Variants in DPY19L2 observed in about 807,000 individuals in gnomAD.
DPY19L2 encodes probable C-mannosyltransferase DPY19L2.
A neutral mutation model predicts 97.9 loss-of-function variants in DPY19L2; 34 were observed. That is an observed-to-expected ratio of 0.35 (90% CI 0.26 to 0.46). The LOEUF (loss-of-function observed/expected upper bound fraction) is 0.46. Ranked by LOEUF, DPY19L2 falls within the 20% of genes least tolerant of loss-of-function variation. The pLI, the probability that DPY19L2 is intolerant of heterozygous loss-of-function variation, is 1.00. For synonymous variants in DPY19L2, 230 were observed against 307.9 expected (o/e 0.75, Z 2.65); for missense variants, 623 against 911.4 (o/e 0.68, Z 4.07).
chr12:63,583,752 A>G (rs1275383662), intron 17 of DPY19L2, 60 bp downstream of exon 17: 2 of 1,570,472 alleles, frequency 1.3e-6, no homozygotes, highest in South Asian at 1.1e-5. Flanking sequence ...ACCTTTGTCA[A>G]TTATCCTCAA....
intron 4 of DPY19L2, among the ~76,000 whole-genome samples, chr12:63,657,493 A>G (rs1184668164): frequency 2.0e-5 from 3 of 152,006 alleles, no homozygotes; most frequent in Non-Finnish European, 2.9e-5. Flanking sequence ...TGAATTTGGG[A>G]TTTGGGGGCT....
upstream of DPY19L2, chr12:63,668,649 A>T (rs1228578256): frequency 2.0e-6 from 1 of 493,352 alleles, no homozygotes; most frequent in African/African-American, 2.0e-5. Context: ...CGCTTCCCAG[A>T]GCGTGCAGCT....
At position 63,596,639 on chromosome 12, in the gene DPY19L2, T is replaced by C. The variant is rs551810752; in HGVS notation, c.1462-602A>G. ...GATAACTAGTGGTCAATAATAGTTT[T>C]TGAATGAATGGGATGACTGGTTGGA... On this transcript the variant is annotated intron_variant, in intron 14 of 21. Transcript: ENST00000324472. Among the ~76,000 whole-genome samples the C allele has an allele frequency of 3.3e-5, 5 of 152,314 alleles. No individual in the cohort carries two copies. In the East Asian group the frequency reaches 7.7e-4, roughly 24 times the overall value.
At chr12:63,605,374 C>A (rs1375031083) in intron 12 of DPY19L2, among the ~76,000 whole-genome samples, 1 of 152,180 alleles carries the variant, frequency 6.6e-6, no homozygotes, top group African/African-American at 2.4e-5. Context: ...TCCCTGGAAC[C>A]TCTTTCTGAG....
intron 16 of DPY19L2, among the ~76,000 whole-genome samples, chr12:63,585,605 T>G (rs550976499): frequency 4.6e-5 from 7 of 152,194 alleles, no homozygotes; most frequent in Non-Finnish European, 8.8e-5. Flanking sequence ...GTGAGCTGCA[T>G]GCAAGGAAGA....
intron 4 of DPY19L2, among the ~76,000 whole-genome samples, chr12:63,655,494 T>A (rs141608235): frequency 6.6e-6 from 1 of 151,966 alleles, no homozygotes; most frequent in South Asian, 2.1e-4. Context: ...AGGAAATACA[T>A]AATGGGCATG....
At chr12:63,642,039 C>G (rs1310086883) in intron 6 of DPY19L2, among the ~76,000 whole-genome samples, 1 of 151,906 alleles carries the variant, frequency 6.6e-6, no homozygotes, top group Non-Finnish European at 1.5e-5. Flanking sequence ...GTTTATTGAC[C>G]ATTTGGTGTT....
At chr12:63,569,412 A>T (rs1878383429) in intron 20 of DPY19L2, 63 bp from the exon 21 acceptor site, 2 of 1,247,844 alleles carry the variant, frequency 1.6e-6, no homozygotes, top group Non-Finnish European at 2.1e-6. Flanking sequence ...AGACTAAAAA[A>T]ATCTTACTAG....
chr12:63,591,054 T>A (rs996263075), intron 16 of DPY19L2: 1 of 455,810 alleles, frequency 2.2e-6, no homozygotes. Flanking sequence ...GTACTCCTTA[T>A]GGGAACAGTG....
rs183442879 is a variant in DPY19L2 at position 63,602,988 on chromosome 12, G to A, written c.1279-2602C>T. 2.7e-3 allele frequency among the ~76,000 whole-genome samples: 405 copies of A among 152,188 alleles called. 2 individuals carry two copies. Among genetic ancestry groups the A allele is most frequent in the African/African-American group, 8.4e-3 (349 of 41,506 alleles). The stretch of plus-strand genomic sequence containing the variant: ...CACATTATCTCACAAAGCAAAGACA[G>A]ACTCAATTTATGCTACACAGGGAAG... On this transcript the variant is annotated intron_variant, in intron 12 of 21. Coordinates refer to ENST00000324472, the MANE Select transcript of DPY19L2 (RefSeq NM_173812.5).
In DPY19L2 at chr12:63,605,560, C is replaced by G. The variant is rs548675131; in HGVS notation, c.1278+3056G>C. ...GTGCACACACGTGCAGTGAAAGGGC[C>G]TAGAAACAAGGACACACTGGTAGTA... is the stretch of plus-strand genomic sequence containing the variant. On this transcript the variant is annotated intron_variant, in intron 12 of 21. Coordinates refer to ENST00000324472, the MANE Select transcript of DPY19L2 (RefSeq NM_173812.5). Among the ~76,000 whole-genome samples the G allele has an allele frequency of 1.6e-3, 248 of 152,172 alleles. 3 individuals are homozygous for G. The highest frequency in any genetic ancestry group is 9.8e-3 in the South Asian group (47 of 4,812).
At chr12:63,663,867 T>C (rs755463046) in intron 2 of DPY19L2, 22 bp from the exon 3 acceptor site, 1 of 1,525,036 alleles carries the variant, frequency 6.6e-7, no homozygotes, top group South Asian at 1.2e-5. Context: ...TGAAGTATCA[T>C]ATTACAATAA....
At chr12:63,564,868 G>A (rs973574089) in intron 21 of DPY19L2, among the ~76,000 whole-genome samples, 1 of 151,980 alleles carries the variant, frequency 6.6e-6, no homozygotes, top group African/African-American at 2.4e-5. Context: ...TTTTCCTAAA[G>A]TTCTATCAGT....
At chr12:63,644,648 A>G (rs1314590689) in intron 5 of DPY19L2, 152 bp from the exon 6 acceptor site, 5 of 1,262,520 alleles carry the variant, frequency 4.0e-6, no homozygotes, top group South Asian at 1.6e-5. Flanking sequence ...ATTTACCCTT[A>G]TAAGAGTTTG....
intron 15 of DPY19L2, among the ~76,000 whole-genome samples, chr12:63,594,464 A>AGTGTGTGTGTGTGTGTGTGTGTGTGTGT (rs539673870): frequency 8.0e-6 from 1 of 124,932 alleles, no homozygotes; most frequent in Admixed American, 7.8e-5. Flanking sequence ...AGAGAGAGAT[A>AGTGTGTGTGTGTGTGTGTGTGTGTGTGT]GTGTGTGTGT....
chr12:63,606,125 TA>T lies in DPY19L2; in HGVS notation c.1278+2490del, dbSNP rs555901053. ...AGAAATCCAATTGATTTTTTAATATTAAACTTATATCTAGCCATGGTATTGA... is the reference window on the plus strand; with the variant it reads ...AGAAATCCAATTGATTTTTTAATATTAACTTATATCTAGCCATGGTATTGA... On this transcript the variant is annotated intron_variant, in intron 12 of 21. Coordinates refer to ENST00000324472, the MANE Select transcript of DPY19L2 (RefSeq NM_173812.5). Among the ~76,000 whole-genome samples, 185 of 152,268 alleles carry T rather than the reference TA, an allele frequency of 1.2e-3. 1 individual carries two copies. Among genetic ancestry groups the T allele is most frequent in the African/African-American group, 4.3e-3 (179 of 41,568 alleles).
chr12:63,654,453 T>G (rs1378593564), intron 4 of DPY19L2, among the ~76,000 whole-genome samples: 1 of 151,978 alleles, frequency 6.6e-6, no homozygotes, highest in Non-Finnish European at 1.5e-5. Flanking sequence ...AACCACAAAA[T>G]AAAATCGCAG....
chr12:63,661,186 TAA>T, intron 4 of DPY19L2, 156 bp downstream of exon 4: 1 of 668,796 alleles, frequency 1.5e-6, no homozygotes. Flanking sequence ...CTTTAAATTT[TAA>T]GAGAGGAACT....
intron 9 of DPY19L2, among the ~76,000 whole-genome samples, chr12:63,618,740 T>A (rs1888226495): frequency 6.6e-6 from 1 of 152,130 alleles, no homozygotes; most frequent in African/African-American, 2.4e-5. Context: ...TCAATCTGAT[T>A]GCATAAAGGT....
Sources: gnomAD v4.1 joint callset for allele counts (sites outside exome capture counted in the v4.1 genomes callset) on GRCh38, gnomAD v4.1.1 for gene constraint, MANE v1.5 for transcripts, NCBI Gene and HGNC (gene_info 2026-07-23, HGNC 2026-07-21) for gene names.